DOK6: variants seen among roughly 807,000 people sequenced by gnomAD.
DOK6 encodes the protein docking protein 6, also known as downstream of tyrosine kinase 6.
Under a neutral mutation model 44.0 loss-of-function variants are expected in DOK6, and 22 were observed. The ratio of observed to expected loss-of-function variants is 0.50; its 90% CI spans 0.36 to 0.71. The LOEUF (loss-of-function observed/expected upper bound fraction) is 0.71. Among genes scored for constraint, DOK6 ranks in the 30% least tolerant of loss-of-function variants. The pLI is 0.00. For missense variants in DOK6, 340 were observed against 416.4 expected, an observed-to-expected ratio of 0.82 and a Z score of 1.60; for synonymous variants, 166 against 145.5, an observed-to-expected ratio of 1.14 and a Z score of -1.01.
intron 4 of DOK6, among the ~76,000 whole-genome samples, chr18:69,678,302 C>T (rs920597239): frequency 6.6e-6 from 1 of 152,084 alleles, no homozygotes; most frequent in Non-Finnish European, 1.5e-5. Context: ...GGGACTTTCC[C>T]ACAATGGTGT....
At chr18:69,650,025 C>T (rs1490109554) in intron 3 of DOK6, among the ~76,000 whole-genome samples, 2 of 152,022 alleles carry the variant, frequency 1.3e-5, no homozygotes, top group African/African-American at 2.4e-5. Context: ...AAAATCACCA[C>T]AGAGCGACTT....
chr18:69,684,810 A>G (rs1369077721), intron 4 of DOK6, among the ~76,000 whole-genome samples: 1 of 152,190 alleles, frequency 6.6e-6, no homozygotes, highest in Non-Finnish European at 1.5e-5. Context: ...AAGAAAGTAA[A>G]GAGCCTCAAT....
chr18:69,448,855 A>T (rs1979372256), intron 1 of DOK6, among the ~76,000 whole-genome samples: 1 of 152,228 alleles, frequency 6.6e-6, no homozygotes, highest in East Asian at 1.9e-4. Flanking sequence ...TTTGAAAAAT[A>T]TGGCAATTTT....
intron 1 of DOK6, among the ~76,000 whole-genome samples, chr18:69,538,485 C>A (rs753238831): frequency 6.6e-6 from 1 of 152,004 alleles, no homozygotes; most frequent in East Asian, 1.9e-4. Context: ...TGGGCTCAAG[C>A]GATCCTCTAC....
At chr18:69,746,465 A>T (rs1978988913) in intron 6 of DOK6, among the ~76,000 whole-genome samples, 1 of 152,070 alleles carries the variant, frequency 6.6e-6, no homozygotes, top group Non-Finnish European at 1.5e-5. Flanking sequence ...CATGTTTCCC[A>T]GGCTGGTCTC....
At chr18:69,676,679 C>T (rs1985929464) in intron 3 of DOK6, among the ~76,000 whole-genome samples, 1 of 152,126 alleles carries the variant, frequency 6.6e-6, no homozygotes, top group African/African-American at 2.4e-5. Flanking sequence ...GGAGCTTGGC[C>T]TAAAATATTA....
At chr18:69,415,868 G>A (rs1978330362) in intron 1 of DOK6, among the ~76,000 whole-genome samples, 1 of 151,952 alleles carries the variant, frequency 6.6e-6, no homozygotes, top group African/African-American at 2.4e-5. Flanking sequence ...ATTAATTTAT[G>A]GCTTACAGAA....
intron 1 of DOK6, among the ~76,000 whole-genome samples, chr18:69,429,176 A>G (rs1010287844): frequency 6.6e-6 from 1 of 152,166 alleles, no homozygotes; most frequent in Non-Finnish European, 1.5e-5. Flanking sequence ...ATTTTGTTGT[A>G]ATATATGCTT....
At chr18:69,699,281 T>C (rs773933587) in intron 5 of DOK6, among the ~76,000 whole-genome samples, 1 of 152,216 alleles carries the variant, frequency 6.6e-6, no homozygotes, top group Admixed American at 6.5e-5. Flanking sequence ...GGGTACATGA[T>C]TTATCACATT....
At chr18:69,679,477 G>T (rs1428151128) in intron 4 of DOK6, among the ~76,000 whole-genome samples, 1 of 152,150 alleles carries the variant, frequency 6.6e-6, no homozygotes, top group East Asian at 1.9e-4. Flanking sequence ...CTAGCTTCTG[G>T]TTTATATTCC....
intron 7 of DOK6, among the ~76,000 whole-genome samples, chr18:69,835,904 C>A (rs1982040790): frequency 1.3e-5 from 2 of 152,160 alleles, no homozygotes; most frequent in East Asian, 1.9e-4. Context: ...ATTAATACTG[C>A]AAGTTTTATG....
intron 3 of DOK6, among the ~76,000 whole-genome samples, chr18:69,611,044 C>A (rs1258367963): frequency 1.3e-5 from 2 of 150,612 alleles, no homozygotes; most frequent in Non-Finnish European, 3.0e-5. Flanking sequence ...ACAAAAAAGG[C>A]AACCAAAAAA....
intron 1 of DOK6, among the ~76,000 whole-genome samples, chr18:69,481,254 A>G (rs1161062171): frequency 6.6e-6 from 1 of 152,030 alleles, no homozygotes; most frequent in Non-Finnish European, 1.5e-5. Context: ...TTTAAGTTCT[A>G]GGGTACCTGT....
chr18:69,828,772 C>G (rs1408633807), intron 7 of DOK6, among the ~76,000 whole-genome samples: 1 of 149,746 alleles, frequency 6.7e-6, no homozygotes, highest in Non-Finnish European at 1.5e-5. Context: ...ATATTTCTAT[C>G]TAAGGTTTAA....
chr18:69,519,898 A>G lies in DOK6; in HGVS notation c.67-44589A>G, dbSNP rs192982092. 4.6e-5 allele frequency among the ~76,000 whole-genome samples: 7 copies of G among 152,030 alleles called. 1 individual carries two copies. The East Asian group carries it at 1.4e-3, about 29-fold the overall frequency. ...TTAAATAGAAAAGTCAGATACATTT[A>G]ATAAGTTGTGTTTCTTATTTTTAAT... On this transcript the variant is annotated intron_variant, in intron 1 of 7. Coordinates refer to ENST00000382713, the MANE Select transcript of DOK6 (RefSeq NM_152721.6).
intron 3 of DOK6, among the ~76,000 whole-genome samples, chr18:69,630,041 T>C (rs758986992): frequency 2.0e-5 from 3 of 152,150 alleles, no homozygotes; most frequent in Non-Finnish European, 4.4e-5. Flanking sequence ...GCCTATGGTC[T>C]TTAACATACC....
Position 69,797,254 on chromosome 18 carries a change from G to C in DOK6, c.856+39381G>C, listed in dbSNP as rs144325633. 3.5e-4 allele frequency among the ~76,000 whole-genome samples: 53 copies of C among 152,258 alleles called. No homozygotes were observed. In the East Asian group the frequency reaches 0.01, roughly 29 times the overall value. On this transcript the variant is annotated intron_variant, in intron 7 of 7. Coordinates refer to ENST00000382713, the MANE Select transcript of DOK6 (RefSeq NM_152721.6). Reference sequence around the variant, plus strand: ...AGATATAACTCGTCTAAGATTCTTTGAGAAGAGTTACATCTTTTTTATGGT... The same window carrying C: ...AGATATAACTCGTCTAAGATTCTTTCAGAAGAGTTACATCTTTTTTATGGT...
intron 1 of DOK6, among the ~76,000 whole-genome samples, chr18:69,479,077 T>TTCCC (rs1980347745): frequency 6.9e-6 from 1 of 145,940 alleles, no homozygotes; most frequent in Admixed American, 6.8e-5. Context: ...GATGCTTGCA[T>TTCCC]TGGGAGGTAA....
chr18:69,469,785 C>CG (rs1278061626), intron 1 of DOK6: 1 of 234,988 alleles, frequency 4.3e-6, no homozygotes, highest in Non-Finnish European at 8.9e-6. Flanking sequence ...GAGCCAGAGG[C>CG]GGATGGAGCG....
Sources: allele counts gnomAD v4.1 joint callset (sites outside exome capture counted in the v4.1 genomes callset), GRCh38; gene constraint gnomAD v4.1.1; transcripts MANE v1.5; gene names NCBI Gene and HGNC (gene_info 2026-07-23, HGNC 2026-07-21).